Variants in TMEM131 observed in about 807,000 individuals in gnomAD.
TMEM131 encodes 2610524E03Rik.
TMEM131 carries 66 observed loss-of-function variants against 211.6 expected under a neutral mutation model. The ratio of observed to expected loss-of-function variants is 0.31; its 90% CI spans 0.26 to 0.38. The LOEUF (loss-of-function observed/expected upper bound fraction) is 0.38, where lower values mean the gene tolerates loss of function less well. Ranked by LOEUF, TMEM131 falls within the 10% of genes least tolerant of loss-of-function variation. The pLI is 1.00. For synonymous variants in TMEM131, 844 were observed against 841.3 expected (o/e 1.00, Z -0.06); for missense variants, 2,036 against 2,299.3 (o/e 0.89, Z 2.34).
At chr2:97,813,894 C>A in intron 15 of TMEM131, 77 bp downstream of exon 15, 1 of 1,184,084 alleles carries the variant, frequency 8.4e-7, no homozygotes, top group Non-Finnish European at 1.2e-6. Context: ...CCGTATGTAA[C>A]ACGACTGCCT....
At chr2:97,961,374 A>T (rs1023607202) in intron 1 of TMEM131, among the ~76,000 whole-genome samples, 2 of 152,362 alleles carry the variant, frequency 1.3e-5, no homozygotes, top group Admixed American at 1.3e-4. Context: ...CCTATACAAC[A>T]GCCTCCAAAA....
intron 4 of TMEM131, among the ~76,000 whole-genome samples, chr2:97,881,001 A>T (rs1674902744): frequency 6.6e-6 from 1 of 152,204 alleles, no homozygotes; most frequent in South Asian, 2.1e-4. Flanking sequence ...TCAAAGTGTC[A>T]CCAAACAAAA....
At chr2:97,949,369 A>G (rs1432427748) in intron 1 of TMEM131, among the ~76,000 whole-genome samples, 1 of 152,196 alleles carries the variant, frequency 6.6e-6, no homozygotes, top group Non-Finnish European at 1.5e-5. Context: ...GGGAGGTAAG[A>G]AAATTCTACA....
chr2:97,818,534 T>C (rs1380325113), intron 12 of TMEM131, 79 bp downstream of exon 12: 1 of 900,130 alleles, frequency 1.1e-6, no homozygotes, highest in African/African-American at 1.7e-5. Context: ...TGGATTTTTA[T>C]ATTAAGACGT....
At chr2:97,772,206 A>C (rs1411392386) in intron 33 of TMEM131, 91 bp downstream of exon 33, 1 of 1,520,824 alleles carries the variant, frequency 6.6e-7, no homozygotes, top group Non-Finnish European at 8.9e-7. Context: ...AAAGCCAACC[A>C]GCCAGCCAAA....
chr2:97,896,292 A>G (rs146305271), intron 3 of TMEM131, among the ~76,000 whole-genome samples: 1,591 of 152,274 alleles, frequency 0.01, 34 homozygotes, highest in African/African-American at 0.036. Flanking sequence ...TATGTGGTCA[A>G]TTTTAGAATA....
At chr2:97,993,324 T>G (rs1199400077) in intron 1 of TMEM131, among the ~76,000 whole-genome samples, 1 of 152,222 alleles carries the variant, frequency 6.6e-6, no homozygotes, top group Non-Finnish European at 1.5e-5. Context: ...CTGCCCAAAC[T>G]TGCTGAAAAA....
At chr2:97,850,804 A>G (rs889400962) in intron 5 of TMEM131, among the ~76,000 whole-genome samples, 8 of 152,206 alleles carry the variant, frequency 5.3e-5, no homozygotes, top group Non-Finnish European at 1.2e-4. Flanking sequence ...GAAGAGATTC[A>G]TAAGGCCTAT....
chr2:97,993,185 T>C (rs1276039924), intron 1 of TMEM131, among the ~76,000 whole-genome samples: 1 of 152,248 alleles, frequency 6.6e-6, no homozygotes, highest in African/African-American at 2.4e-5. Context: ...ACAAAATACC[T>C]GCAGAATCAT....
At chr2:97,790,887 C>T (rs17489454) in intron 31 of TMEM131, among the ~76,000 whole-genome samples, 50,672 of 152,058 alleles carry the variant, frequency 0.33, 9,302 homozygotes, top group Non-Finnish European at 0.39. Context: ...CGTGTAATTC[C>T]AAGAGAACTC....
At chr2:97,930,884 A>G (rs896359637) in intron 1 of TMEM131, among the ~76,000 whole-genome samples, 3 of 151,806 alleles carry the variant, frequency 2.0e-5, no homozygotes, top group African/African-American at 7.3e-5. Context: ...TGAAATAAAA[A>G]TAAACTAATA....
chr2:97,895,661 T>C (rs1490439354), intron 3 of TMEM131, among the ~76,000 whole-genome samples: 1 of 152,188 alleles, frequency 6.6e-6, no homozygotes, highest in African/African-American at 2.4e-5. Context: ...TGCGTAGAGG[T>C]GTTTATAGTA....
At chr2:97,991,120 G>GA (rs1355983354) in intron 1 of TMEM131, among the ~76,000 whole-genome samples, 1 of 152,098 alleles carries the variant, frequency 6.6e-6, no homozygotes, top group Non-Finnish European at 1.5e-5. Flanking sequence ...ATATTACAAT[G>GA]AAAGTTTAGG....
Position 97,896,932 on chromosome 2 carries a change from G to C in TMEM131, c.291-8812C>G, listed in dbSNP as rs551845229. 2.0e-3 allele frequency among the ~76,000 whole-genome samples: 311 copies of C among 152,082 alleles called. 2 individuals carry two copies. Among genetic ancestry groups the C allele is most frequent in the Middle Eastern group, 0.01 (3 of 294 alleles). On this transcript the variant is annotated intron_variant, in intron 3 of 40. Coordinates refer to ENST00000186436, the MANE Select transcript of TMEM131 (RefSeq NM_015348.2). ...GCTTAATCTAAAACTGATCTGGGGA[G>C]AATTATCATCTTCACAGTCTTCTAA...
intron 2 of TMEM131, among the ~76,000 whole-genome samples, chr2:97,923,884 T>C (rs574119730): frequency 6.6e-6 from 1 of 151,884 alleles, no homozygotes; most frequent in Admixed American, 6.6e-5. Context: ...ATTGAGACCA[T>C]CCTGGCTAAC....
At chr2:97,782,297 C>T (rs1454470312) in intron 31 of TMEM131, among the ~76,000 whole-genome samples, 1 of 152,200 alleles carries the variant, frequency 6.6e-6, no homozygotes, top group Non-Finnish European at 1.5e-5. Context: ...AGCAGGAAAC[C>T]AGCACTTCTA....
intron 11 of TMEM131, among the ~76,000 whole-genome samples, chr2:97,829,129 C>T (rs1003960974): frequency 6.6e-6 from 1 of 152,156 alleles, no homozygotes; most frequent in African/African-American, 2.4e-5. Flanking sequence ...ATGATCATTG[C>T]CCAATTCCCA....
At chr2:97,907,762 T>C (rs913421137) in intron 3 of TMEM131, among the ~76,000 whole-genome samples, 1 of 152,224 alleles carries the variant, frequency 6.6e-6, no homozygotes, top group Admixed American at 6.5e-5. Context: ...CTTAAATCCA[T>C]GATGTGGGCT....
At chr2:97,905,239 A>AT (rs996075841) in intron 3 of TMEM131, among the ~76,000 whole-genome samples, 2 of 151,762 alleles carry the variant, frequency 1.3e-5, no homozygotes, top group Admixed American at 6.6e-5. Context: ...TAGATTAGCG[A>AT]TTTTTTCTTT....
Sources: gnomAD v4.1 joint callset for allele counts (sites outside exome capture counted in the v4.1 genomes callset) on GRCh38, gnomAD v4.1.1 for gene constraint, MANE v1.5 for transcripts, NCBI Gene and HGNC (gene_info 2026-07-23, HGNC 2026-07-21) for gene names.